PIGP: variants seen among roughly 807,000 people sequenced by gnomAD.
PIGP encodes phosphatidylinositol glycan anchor biosynthesis class P, also known as phosphatidylinositol N-acetylglucosaminyltransferase subunit P.
In PIGP, 12 loss-of-function variants were observed where a neutral mutation model predicts 16.9. That is an observed-to-expected ratio of 0.71 (90% CI 0.46 to 1.15). PIGP has a LOEUF of 1.15. Ranked by LOEUF, PIGP falls within the 50% of genes most tolerant of loss-of-function variation. The pLI is 0.00. For synonymous variants in PIGP, 57 were observed against 54.7 expected (o/e 1.04, Z -0.18); for missense variants, 159 against 153.5 (o/e 1.04, Z -0.19).
intron 4 of PIGP, 58 bp downstream of exon 4, chr21:37,067,204 A>G (rs2835570): frequency 0.13 from 128,489 of 980,346 alleles, 9,577 homozygotes; most frequent in African/African-American, 0.19. Context: ...TTTCTGGGTA[A>G]AAGTGCTAAT....
rs2069888947 is a variant in PIGP, at chr21:37,065,650, C to T, written c.337G>A (p.Asp113Asn). Residue 113 changes from aspartate to asparagine, a missense_variant, in exon 5 of 5, where the codon GAT becomes AAT. Coordinates refer to ENST00000360525, the MANE Select transcript of PIGP (RefSeq NM_153682.3). ...YQEEAIPALR[D>N]ISISEVNQMF... ...TGGTTTACTTCACTAATAGAAATAT[C>T]TCTTAAGGCTGGAATGGCCTCCTCT... 3 of 1,613,424 alleles carry T rather than the reference C, an allele frequency of 1.9e-6. No homozygotes were observed. The highest frequency in any genetic ancestry group is 3.3e-5 in the Admixed American group (2 of 59,942).
rs769298458 is a variant in PIGP, at chr21:37,072,548, G to A, written c.-22-11C>T. On this transcript the variant is annotated splice_polypyrimidine_tract_variant and intron_variant, in intron 1 of 4. Transcript: ENST00000360525. ...GGGGCTTTAGACAATCTGTGGAAAA[G>A]GAACACAATCAGCGTCAGCGATGTG... 6 of 1,614,084 alleles carry A rather than the reference G, an allele frequency of 3.7e-6. No individual in the cohort carries two copies. Among genetic ancestry groups the A allele is most frequent in the Non-Finnish European group, 3.4e-6 (4 of 1,180,008 alleles).
intron 4 of PIGP, among the ~76,000 whole-genome samples, chr21:37,067,023 T>C (rs890293199): frequency 1.3e-4 from 20 of 150,864 alleles, no homozygotes; most frequent in Non-Finnish European, 7.4e-5. Flanking sequence ...TGTTTTCTTT[T>C]AGGATGGAGT....
At chr21:37,069,346 T>C (rs147257414) in intron 3 of PIGP, 3,635 of 333,140 alleles carry the variant, frequency 0.011, 34 homozygotes, top group East Asian at 0.022. Context: ...TTGGAGGAAA[T>C]GGATGGAGAT....
rs1329368037 is a variant in PIGP, at chr21:37,069,546, A to T, written c.155+6T>A. 4.6e-6 allele frequency: 7 copies of T among 1,511,294 alleles called. No homozygotes were observed. The highest frequency in any genetic ancestry group is 6.3e-6 in the Non-Finnish European group (7 of 1,111,838). The allele number at this position is 1,511,294 out of a possible 1,614,324, so 93.6% of individuals were successfully genotyped here. On this transcript the variant is annotated splice_donor_region_variant and intron_variant, in intron 3 of 4. Coordinates refer to ENST00000360525, the MANE Select transcript of PIGP (RefSeq NM_153682.3). ...TATCCTCATTTAAGAAATATATTAA[A>T]CTTACTTTTGAGGCCAATAGGTTAA...
chr21:37,072,240 A>T (rs1007714728), intron 2 of PIGP, 194 bp downstream of exon 2: 1 of 1,611,938 alleles, frequency 6.2e-7, no homozygotes, highest in Admixed American at 1.7e-5. Flanking sequence ...AAATATTTGT[A>T]GAGACTAAAA....
In PIGP at chr21:37,072,745, G is replaced by A; in HGVS notation, c.-22-208C>T. ...AACAGAAGGGGTGGCGGAGGATAGG[G>A]CAGGGAGGGGGGTTCTGGGGCGATA... On this transcript the variant is annotated intron_variant, in intron 1 of 4. Coordinates refer to ENST00000360525, the MANE Select transcript of PIGP (RefSeq NM_153682.3). 4.2e-6 allele frequency: 3 copies of A among 717,546 alleles called. 1 individual carries two copies. In the South Asian group the frequency reaches 5.3e-5, roughly 13 times the overall value. 44.4% of individuals were successfully genotyped at this position (717,546 alleles called of 1,614,324 possible). A position where few individuals can be genotyped will look rare whatever the true frequency, so the allele number is the denominator to read the frequency against.
intron 2 of PIGP, 129 bp from the exon 3 acceptor site, chr21:37,069,753 A>AT (rs2069969650): frequency 1.8e-6 from 1 of 555,564 alleles, no homozygotes; most frequent in African/African-American, 1.9e-5. Flanking sequence ...CTCAGAAATG[A>AT]TTTTTTCCTC....
chr21:37,071,173 CTTAT>C (rs1367005340), intron 2 of PIGP, among the ~76,000 whole-genome samples: 1 of 152,220 alleles, frequency 6.6e-6, no homozygotes, highest in Non-Finnish European at 1.5e-5. Context: ...GTAGCTAACA[CTTAT>C]TAAGTCCCTA....
At chr21:37,070,892 A>G (rs528035012) in intron 2 of PIGP, among the ~76,000 whole-genome samples, 2 of 152,318 alleles carry the variant, frequency 1.3e-5, no homozygotes, top group South Asian at 4.1e-4. Context: ...CCTCCCGAGT[A>G]GCTGGAGTTA....
rs2069883883 is a variant in PIGP at position 37,065,384 on chromosome 21, C to A, written c.*198G>T. 6.9e-6 allele frequency: 3 copies of A among 434,710 alleles called. No individual in the cohort carries two copies. Among genetic ancestry groups the A allele is most frequent in the Non-Finnish European group, 1.2e-5 (3 of 251,594 alleles). 26.9% of individuals were successfully genotyped at this position (434,710 alleles called of 1,614,324 possible). ...TTTTTAAGTCTGCTATATGGGAATG[C>A]AATATTGTATTTATTCTATTCATTA... On this transcript the variant is annotated 3_prime_UTR_variant, in exon 5 of 5. Coordinates refer to ENST00000360525, the MANE Select transcript of PIGP (RefSeq NM_153682.3).
intron 2 of PIGP, among the ~76,000 whole-genome samples, chr21:37,069,896 T>G (rs562250081): frequency 2.0e-5 from 3 of 152,332 alleles, no homozygotes; most frequent in African/African-American, 7.2e-5. Flanking sequence ...TTAGCAATTG[T>G]TGTAATCCTT....
In PIGP at chr21:37,067,354, T is replaced by C. The variant is rs1397280415; in HGVS notation, c.182A>G (p.Tyr61Cys). The C allele has an allele frequency of 1.9e-6, 3 of 1,607,644 alleles. No individual in the cohort carries two copies. Among genetic ancestry groups the C allele is most frequent in the African/African-American group, 2.7e-5 (2 of 74,722 alleles). The change falls in exon 4 of 5, where the codon TAC becomes TGC. Residue 61 changes from tyrosine (Y) to cysteine (C), a missense_variant. Transcript: ENST00000360525. ...QKYWAVALPV[Y>C]LLIAIVIGYV... ...GCCAATTACTATAGCAATAAGGAGG[T>C]AGACAGGTAATGCAACTGCCCAATA...
At position 37,065,551 on chromosome 21, in the gene PIGP, C is replaced by T. The variant is rs758484559; in HGVS notation, c.*31G>A. ...AATGGCAAAAACTTATAAATAAATACGTGCTTGGTGTTACTATGGTTACAC... is the reference window on the plus strand; with the variant it reads ...AATGGCAAAAACTTATAAATAAATATGTGCTTGGTGTTACTATGGTTACAC... On this transcript the variant is annotated 3_prime_UTR_variant, in exon 5 of 5. Coordinates refer to ENST00000360525, the MANE Select transcript of PIGP (RefSeq NM_153682.3). 1.8e-5 allele frequency: 28 copies of T among 1,582,802 alleles called. No individual in the cohort carries two copies. Among genetic ancestry groups the T allele is most frequent in the South Asian group, 4.8e-5 (4 of 83,552 alleles).
chr21:37,067,607 G>C (rs1264358258), intron 3 of PIGP, among the ~76,000 whole-genome samples: 1 of 152,154 alleles, frequency 6.6e-6, no homozygotes, highest in Non-Finnish European at 1.5e-5. Flanking sequence ...TTGAGCACTT[G>C]AGCTGTCTTC....
intron 2 of PIGP, 138 bp downstream of exon 2, chr21:37,072,296 A>T: frequency 6.2e-7 from 1 of 1,603,794 alleles, no homozygotes; most frequent in South Asian, 1.1e-5. Flanking sequence ...CAAACACGAG[A>T]TCCCTTCAGA....
Position 37,065,583 on chromosome 21 carries a change from C to T in PIGP, c.404G>A (p.Ter135=), listed in dbSNP as rs780819474. 1.1e-5 allele frequency: 18 copies of T among 1,612,288 alleles called. No individual in the cohort carries two copies. Among genetic ancestry groups the T allele is most frequent in the Non-Finnish European group, 1.5e-5 (18 of 1,179,296 alleles). ...LAAKELYTKN[*] The stretch of plus-strand genomic sequence containing the variant: ...GGTGTTACTATGGTTACACACAGTT[C>T]AGTTTTTGGTGTAAAGTTCTTTGGC... The change falls in exon 5 of 5, where the codon TGA becomes TAA. Residue 135 remains the stop codon, a stop_retained_variant. Coordinates refer to ENST00000360525, the MANE Select transcript of PIGP (RefSeq NM_153682.3).
In PIGP at chr21:37,072,550, A is replaced by C; in HGVS notation, c.-22-13T>G. ...GGCTTTAGACAATCTGTGGAAAAGG[A>C]ACACAATCAGCGTCAGCGATGTGCT... On this transcript the variant is annotated splice_polypyrimidine_tract_variant and intron_variant, in intron 1 of 4. Coordinates refer to ENST00000360525, the MANE Select transcript of PIGP (RefSeq NM_153682.3). The C allele has an allele frequency of 6.2e-7, 1 of 1,614,234 alleles. No individual in the cohort carries two copies. Among genetic ancestry groups the C allele is most frequent in the Non-Finnish European group, 8.5e-7 (1 of 1,180,012 alleles).
rs750526209 is a variant in PIGP at position 37,065,537 on chromosome 21, C to T, written c.*45G>A. ...ATGGTCAAAATTATAATGGCAAAAA[C>T]TTATAAATAAATACGTGCTTGGTGT... On this transcript the variant is annotated 3_prime_UTR_variant, in exon 5 of 5. Coordinates refer to ENST00000360525, the MANE Select transcript of PIGP (RefSeq NM_153682.3). 17 of 1,572,612 alleles carry T rather than the reference C, an allele frequency of 1.1e-5. No individual in the cohort carries two copies. The Middle Eastern group carries it at 5.3e-4, about 49-fold the overall frequency.
Sources: allele counts gnomAD v4.1 joint callset (sites outside exome capture counted in the v4.1 genomes callset), GRCh38; gene constraint gnomAD v4.1.1; transcripts MANE v1.5; gene names NCBI Gene and HGNC (gene_info 2026-07-23, HGNC 2026-07-21).